TNRC6C: variants seen among roughly 807,000 people sequenced by gnomAD.
TNRC6C encodes trinucleotide repeat-containing gene 6C protein.
Under a neutral mutation model 153.7 loss-of-function variants are expected in TNRC6C, and 20 were observed. The ratio of observed to expected loss-of-function variants is 0.13; its 90% CI spans 0.09 to 0.19. The LOEUF (loss-of-function observed/expected upper bound fraction) is 0.19. Ranked by LOEUF, TNRC6C falls within the 10% of genes least tolerant of loss-of-function variation. TNRC6C has a pLI of 1.00. For synonymous variants in TNRC6C, 811 were observed against 841.4 expected, an observed-to-expected ratio of 0.96 and a Z score of 0.63; for missense variants, 1,987 against 2,172.0, an observed-to-expected ratio of 0.91 and a Z score of 1.69.
chr17:77,999,401 A>T (rs186968831), upstream of TNRC6C, among the ~76,000 whole-genome samples: 2 of 152,312 alleles, frequency 1.3e-5, no homozygotes, highest in Admixed American at 1.3e-4. Context: ...CCTACATTTT[A>T]ACTCCTCTTC....
rs576286543 is a variant in TNRC6C at position 77,983,505 on chromosome 17, T to C, written c.-37-20665T>C. 1.5e-4 allele frequency among the ~76,000 whole-genome samples: 23 copies of C among 152,220 alleles called. No homozygotes were observed. In the South Asian group the frequency reaches 2.1e-3, roughly 14 times the overall value. On this transcript the variant is annotated intron_variant, in intron 1 of 22. Coordinates refer to the TNRC6C transcript ENST00000636222. ...TCTTTGCACCATATTAGAGACAAAA[T>C]GAAAAACTGCAGTACTCAAGAAAAG... is the stretch of plus-strand genomic sequence containing the variant.
At chr17:78,097,950 C>G (rs914321793) in intron 16 of TNRC6C, 89 bp downstream of exon 19, 3 of 1,090,726 alleles carry the variant, frequency 2.8e-6, no homozygotes, top group East Asian at 2.6e-5. Flanking sequence ...CCTATTGGCT[C>G]TTTACTCACT....
chr17:77,976,910 C>T (rs1051174751), intron 1 of TNRC6C, among the ~76,000 whole-genome samples: 19 of 102,914 alleles, frequency 1.8e-4, no homozygotes, highest in Non-Finnish European at 2.6e-4. Context: ...GCTCAGGCGA[C>T]AAGAGCAAGA....
intron 19 of TNRC6C, 148 bp downstream of exon 22, chr17:78,103,701 A>G: frequency 8.4e-7 from 1 of 1,190,982 alleles, no homozygotes; most frequent in Non-Finnish European, 1.2e-6. Context: ...TGGAAGTCTG[A>G]TACCCAAGAT....
intron 1 of TNRC6C, among the ~76,000 whole-genome samples, chr17:78,025,087 G>A (rs1212560323): frequency 6.6e-6 from 1 of 152,064 alleles, no homozygotes; most frequent in Non-Finnish European, 1.5e-5. Context: ...CACCGCGCCC[G>A]GCCAATACAT....
intron 14 of TNRC6C, among the ~76,000 whole-genome samples, chr17:78,092,112 AATG>A (rs1430793421): frequency 6.6e-6 from 1 of 152,312 alleles, no homozygotes; most frequent in East Asian, 1.9e-4. Context: ...TGGAAGCAAA[AATG>A]ATAACCATAG....
chr17:77,990,731 G>A (rs1421493082), intron 1 of TNRC6C, among the ~76,000 whole-genome samples: 1 of 152,128 alleles, frequency 6.6e-6, no homozygotes, highest in Admixed American at 6.5e-5. Context: ...ATTAAGTGTA[G>A]GTATGGCCTC....
At chr17:77,982,005 A>G (rs1396606672) in intron 1 of TNRC6C, among the ~76,000 whole-genome samples, 1 of 152,176 alleles carries the variant, frequency 6.6e-6, no homozygotes, top group Non-Finnish European at 1.5e-5. Context: ...GGAGGTATTT[A>G]GTTCGTGAAG....
exon 20 of TNRC6C, chr17:78,106,784 T>C (rs1002127749): frequency 6.6e-6 from 1 of 151,560 alleles, no homozygotes; most frequent in African/African-American, 2.4e-5. Context: ...TTAAAAAATA[T>C]ATATATGAAC....
At chr17:77,995,719 A>C (rs1047001593) in intron 1 of TNRC6C, among the ~76,000 whole-genome samples, 3 of 151,898 alleles carry the variant, frequency 2.0e-5, no homozygotes, top group Non-Finnish European at 4.4e-5. Flanking sequence ...GCACATTTAA[A>C]GTACACACAC....
chr17:78,012,053 C>T (rs2071642430), intron 1 of TNRC6C: 1 of 150,788 alleles, frequency 6.6e-6, no homozygotes, highest in Non-Finnish European at 1.5e-5. Context: ...AAAGACTCAT[C>T]GCTACAGGTT....
chr17:78,019,961 C>T (rs1028691987), intron 1 of TNRC6C, among the ~76,000 whole-genome samples: 1 of 152,112 alleles, frequency 6.6e-6, no homozygotes, highest in Admixed American at 6.5e-5. Flanking sequence ...AAAGAAAATG[C>T]CCATTTAATT....
At chr17:78,102,350 G>A in intron 17 of TNRC6C, 124 bp from the exon 21 acceptor site, 1 of 840,844 alleles carries the variant, frequency 1.2e-6, no homozygotes, top group Admixed American at 2.8e-5. Flanking sequence ...GCTGAGAAAG[G>A]CTTTCCTAAA....
chr17:78,051,333 G>A (rs750879544), exon 3 of TNRC6C: 69 of 1,551,278 alleles, frequency 4.4e-5, no homozygotes, highest in East Asian at 2.2e-4. Context: ...GCAGTACCAC[G>A]ACCAATACCA....
chr17:78,071,198 A>G, intron 6 of TNRC6C, 33 bp downstream of exon 8: 1 of 1,567,810 alleles, frequency 6.4e-7, no homozygotes, highest in Non-Finnish European at 8.7e-7. Flanking sequence ...GCTACCCACC[A>G]TGCTTCCCAA....
At chr17:78,028,591 G>A (rs112279091) in intron 1 of TNRC6C, among the ~76,000 whole-genome samples, 357 of 152,310 alleles carry the variant, frequency 2.3e-3, no homozygotes, top group African/African-American at 8.4e-3. Context: ...TGTGGACAAT[G>A]TAGCGTTCAC....
chr17:77,989,653 T>G (rs1272281123), intron 1 of TNRC6C, among the ~76,000 whole-genome samples: 2 of 152,246 alleles, frequency 1.3e-5, no homozygotes, highest in Non-Finnish European at 2.9e-5. Flanking sequence ...AACTGTAAGC[T>G]CTTGATAATA....
exon 20 of TNRC6C, chr17:78,105,709 G>A (rs1009918916): frequency 2.6e-5 from 4 of 152,222 alleles, no homozygotes; most frequent in African/African-American, 7.2e-5. Flanking sequence ...GTTTGAAAGC[G>A]TGTGAGGATT....
chr17:78,040,272 T>C (rs780816209), intron 2 of TNRC6C, among the ~76,000 whole-genome samples: 12 of 152,244 alleles, frequency 7.9e-5, no homozygotes, highest in Non-Finnish European at 1.5e-4. Flanking sequence ...TCAGTGCAGA[T>C]TATGTTTTGC....
Sources: allele counts gnomAD v4.1 joint callset (sites outside exome capture counted in the v4.1 genomes callset), GRCh38; gene constraint gnomAD v4.1.1; transcripts MANE v1.5; gene names NCBI Gene and HGNC (gene_info 2026-07-23, HGNC 2026-07-21).